GRIN2B: variants seen among roughly 807,000 people sequenced by gnomAD.
The protein encoded by GRIN2B is glutamate ionotropic receptor NMDA type subunit 2B, also known as glutamate receptor ionotropic, NMDA 2B.
A neutral mutation model predicts 114.5 loss-of-function variants in GRIN2B; 5 were observed. The ratio of observed to expected loss-of-function variants is 0.04; its 90% CI spans 0.02 to 0.09. The LOEUF is 0.09. Among genes scored for constraint, GRIN2B ranks in the 10% least tolerant of loss-of-function variants. The pLI is 1.00. For synonymous variants in GRIN2B, 787 were observed against 745.1 expected (o/e 1.06, Z -0.92); for missense variants, 1,108 against 1,943.5 (o/e 0.57, Z 8.08).
intron 2 of GRIN2B, among the ~76,000 whole-genome samples, chr12:13,879,037 G>A (rs1866031859): frequency 6.6e-6 from 1 of 152,120 alleles, no homozygotes; most frequent in South Asian, 2.1e-4. Context: ...TCTGATTCAT[G>A]AAAAAATTGA....
Position 13,706,902 on chromosome 12 carries a change from T to G in GRIN2B, c.1011-31043A>C, listed in dbSNP as rs531863136. The stretch of plus-strand genomic sequence containing the variant: ...TTGATGCAGGCTTTCAGACACAGTC[T>G]CCTTCCTCCTCCTCTCAGGAACAGC... On this transcript the variant is annotated intron_variant, in intron 4 of 13. Coordinates refer to ENST00000609686, the MANE Select transcript of GRIN2B (RefSeq NM_000834.5). Among the ~76,000 whole-genome samples, 5 of 152,152 alleles carry G rather than the reference T, an allele frequency of 3.3e-5. No individual in the cohort carries two copies. The South Asian group carries it at 1.0e-3, about 32-fold the overall frequency.
At chr12:13,775,689 T>C (rs561476433) in intron 3 of GRIN2B, among the ~76,000 whole-genome samples, 2 of 152,344 alleles carry the variant, frequency 1.3e-5, no homozygotes. Flanking sequence ...AAGCAGTATA[T>C]GAAAAGTGTA....
chr12:13,587,884 G>A (rs553893977), intron 10 of GRIN2B, among the ~76,000 whole-genome samples: 1 of 152,218 alleles, frequency 6.6e-6, no homozygotes, highest in South Asian at 2.1e-4. Context: ...CTGTTTGGTT[G>A]GTGCAAAAGT....
At chr12:13,851,621 C>A (rs1210665274) in intron 3 of GRIN2B, among the ~76,000 whole-genome samples, 1 of 152,108 alleles carries the variant, frequency 6.6e-6, no homozygotes, top group Non-Finnish European at 1.5e-5. Flanking sequence ...TAAAATCTCC[C>A]CTGTTGATTT....
intron 4 of GRIN2B, among the ~76,000 whole-genome samples, chr12:13,707,679 T>G (rs115208110): frequency 6.6e-6 from 1 of 152,058 alleles, no homozygotes; most frequent in Non-Finnish European, 1.5e-5. Context: ...ACTTAGCACC[T>G]ATTCGGTACA....
At chr12:13,875,483 C>T (rs545094754) in intron 2 of GRIN2B, among the ~76,000 whole-genome samples, 6 of 152,142 alleles carry the variant, frequency 3.9e-5, no homozygotes, top group Admixed American at 1.3e-4. Context: ...GCTGAGATGT[C>T]GCCACTGCAC....
intron 4 of GRIN2B, among the ~76,000 whole-genome samples, chr12:13,701,471 C>G (rs1215696519): frequency 1.3e-5 from 2 of 148,514 alleles, no homozygotes; most frequent in Non-Finnish European, 3.0e-5. Flanking sequence ...CTAATACTTA[C>G]CAAGCAACTA....
rs1391732942 is a variant in GRIN2B at position 13,547,039 on chromosome 12, T to TA, written c.*15743dup. The TA allele has an allele frequency of 3.9e-5, 6 of 152,166 alleles. No individual in the cohort carries two copies. The highest frequency in any genetic ancestry group is 1.4e-4 in the African/African-American group (6 of 41,444). The allele number at this position is 152,166 out of a possible 1,614,324, so 9.4% of individuals were successfully genotyped here. On this transcript the variant is annotated 3_prime_UTR_variant, in exon 14 of 14. Coordinates refer to ENST00000609686, the MANE Select transcript of GRIN2B (RefSeq NM_000834.5). ...TCATTCTTTCTCCAACTTCCTAAGT[T>TA]AAAAAATGATGAGAAAACCATGAAA... is the stretch of plus-strand genomic sequence containing the variant.
intron 4 of GRIN2B, among the ~76,000 whole-genome samples, chr12:13,718,498 G>A (rs899294075): frequency 2.0e-5 from 3 of 152,008 alleles, no homozygotes; most frequent in Non-Finnish European, 2.9e-5. Flanking sequence ...AGGAGAAGCC[G>A]GACTTGTTAC....
chr12:13,889,232 A>AT (rs1267669861), intron 2 of GRIN2B, among the ~76,000 whole-genome samples: 1 of 152,124 alleles, frequency 6.6e-6, no homozygotes, highest in African/African-American at 2.4e-5. Context: ...TCTTAGCTCC[A>AT]TTATCATCTT....
intron 2 of GRIN2B, among the ~76,000 whole-genome samples, chr12:13,888,436 T>TAA (rs3082841): frequency 0.057 from 8,306 of 145,796 alleles, 599 homozygotes; most frequent in African/African-American, 0.17. Context: ...GCATAAAAGA[T>TAA]AAAAAAAAAA....
chr12:13,550,138 T>A lies in GRIN2B; in HGVS notation c.*12645A>T, dbSNP rs1410561210. The A allele has an allele frequency of 1.3e-5, 2 of 152,240 alleles. No individual in the cohort carries two copies. The highest frequency in any genetic ancestry group is 6.5e-5 in the Admixed American group (1 of 15,284). The allele number at this position is 152,240 out of a possible 1,614,324, so 9.4% of individuals were successfully genotyped here. Reference sequence around the variant, plus strand: ...ACTTCTCATCTGTAAAACTGAAAGATGATCTTATTTCCAAGTCAAAGGAGG... The same window carrying A: ...ACTTCTCATCTGTAAAACTGAAAGAAGATCTTATTTCCAAGTCAAAGGAGG... On this transcript the variant is annotated 3_prime_UTR_variant, in exon 14 of 14. Transcript: ENST00000609686.
At chr12:13,854,426 T>C (rs1329473976) in intron 3 of GRIN2B, among the ~76,000 whole-genome samples, 1 of 151,934 alleles carries the variant, frequency 6.6e-6, no homozygotes, top group African/African-American at 2.4e-5. Context: ...AAGAGAATCA[T>C]TCAAACCCAG....
chr12:13,889,105 A>G (rs1263129690), intron 2 of GRIN2B, among the ~76,000 whole-genome samples: 1 of 152,174 alleles, frequency 6.6e-6, no homozygotes, highest in Non-Finnish European at 1.5e-5. Context: ...TTTCTATTTT[A>G]AAAATTATTT....
At chr12:13,614,312 A>G (rs1388456908) in intron 8 of GRIN2B, among the ~76,000 whole-genome samples, 1 of 152,228 alleles carries the variant, frequency 6.6e-6, no homozygotes, top group East Asian at 1.9e-4. Flanking sequence ...GATGTGCCTT[A>G]GAGAGACGGT....
At chr12:13,956,462 G>A (rs1867594044) in intron 2 of GRIN2B, among the ~76,000 whole-genome samples, 1 of 152,118 alleles carries the variant, frequency 6.6e-6, no homozygotes, top group African/African-American at 2.4e-5. Flanking sequence ...TCTCTTATCA[G>A]GGCAGTAACT....
intron 3 of GRIN2B, among the ~76,000 whole-genome samples, chr12:13,769,076 T>C (rs1431551241): frequency 1.3e-5 from 2 of 152,086 alleles, no homozygotes; most frequent in Non-Finnish European, 2.9e-5. Flanking sequence ...GTATAAAGGC[T>C]ACCGCTAGTT....
At chr12:13,800,308 T>C (rs914590702) in intron 3 of GRIN2B, among the ~76,000 whole-genome samples, 2 of 152,294 alleles carry the variant, frequency 1.3e-5, no homozygotes, top group Non-Finnish European at 2.9e-5. Context: ...CAAAGCTCTG[T>C]GGGTACTCTG....
chr12:13,670,522 C>T (rs1038158871), intron 5 of GRIN2B, among the ~76,000 whole-genome samples: 16 of 152,168 alleles, frequency 1.1e-4, no homozygotes, highest in African/African-American at 3.1e-4. Context: ...ATTTTAGGAA[C>T]GATTAAATGG....
Sources: allele counts gnomAD v4.1 joint callset (sites outside exome capture counted in the v4.1 genomes callset), GRCh38; gene constraint gnomAD v4.1.1; transcripts MANE v1.5; gene names NCBI Gene and HGNC (gene_info 2026-07-23, HGNC 2026-07-21).